MBP: variants seen among roughly 807,000 people sequenced by gnomAD.
The protein encoded by MBP is Golli-MBP.
A neutral mutation model predicts 35.8 loss-of-function variants in MBP; 16 were observed. That is an observed-to-expected ratio of 0.45 (90% confidence interval 0.30 to 0.68). The LOEUF (loss-of-function observed/expected upper bound fraction) is 0.68, where lower values mean the gene tolerates loss of function less well. Ranked by LOEUF, MBP falls within the 30% of genes least tolerant of loss-of-function variation. The pLI is 0.08. For missense variants in MBP, 380 were observed against 404.7 expected, an observed-to-expected ratio of 0.94 and a Z score of 0.52; for synonymous variants, 143 against 159.6, an observed-to-expected ratio of 0.90 and a Z score of 0.78.
intron 7 of MBP, 177 bp from the exon 8 acceptor site, chr18:76,985,071 C>T: frequency 6.7e-7 from 1 of 1,499,326 alleles, no homozygotes; most frequent in East Asian, 2.4e-5. Context: ...GGAGAGGCTG[C>T]TCCCCCAGGT....
At chr18:77,012,983 CTAAT>C (rs1971433759) in intron 4 of MBP, 1 of 985,306 alleles carries the variant, frequency 1.0e-6, no homozygotes, top group Admixed American at 6.1e-5. Flanking sequence ...CACATCCAGT[CTAAT>C]TAACTATCGT....
intron 8 of MBP, chr18:76,980,897 C>T (rs560608329): frequency 5.4e-6 from 1 of 183,882 alleles, no homozygotes; most frequent in East Asian, 1.6e-4. Context: ...CCCTAGCACA[C>T]CCCTTGCTAC....
At position 77,004,379 on chromosome 18, in the gene MBP, G is replaced by A. The variant is rs1203852266; in HGVS notation, c.576+12453C>T. 4.6e-5 allele frequency: 7 copies of A among 152,068 alleles called. No individual in the cohort carries two copies. In the East Asian group the frequency reaches 1.3e-3, roughly 29 times the overall value. The allele number at this position is 152,068 out of a possible 1,614,324, so 9.4% of individuals were successfully genotyped here. A position where few individuals can be genotyped will look rare whatever the true frequency, so the allele number is the denominator to read the frequency against. ...ATGTTAGATTTTTTTTTAAAAGCAAGATCAGGGCATTTTAGATTTTGCAGT... is the reference window on the plus strand; with the variant it reads ...ATGTTAGATTTTTTTTTAAAAGCAAAATCAGGGCATTTTAGATTTTGCAGT... On this transcript the variant is annotated intron_variant, in intron 4 of 8. Coordinates refer to ENST00000355994, the MANE Select transcript of MBP (RefSeq NM_001025101.2).
chr18:77,055,631 G>C (rs1973690402), intron 3 of MBP, among the ~76,000 whole-genome samples: 1 of 139,480 alleles, frequency 7.2e-6, no homozygotes, highest in Non-Finnish European at 1.5e-5. Context: ...CCTAGTAATT[G>C]CTTTTCACAT....
rs531289582 is a variant in MBP at position 77,101,936 on chromosome 18, T to G, written c.51+3275A>C. ...GAAATAGGTATGATTCATTTACTCTTTCGAACATCTGTAAGCCAGTTATGT... is the reference window on the plus strand; with the variant it reads ...GAAATAGGTATGATTCATTTACTCTGTCGAACATCTGTAAGCCAGTTATGT... On this transcript the variant is annotated intron_variant, in intron 2 of 8. Transcript: ENST00000355994. The surrounding 1 kb of genome is among the most constrained non-coding windows in gnomAD (Gnocchi z 4.3). 6.6e-6 allele frequency among the ~76,000 whole-genome samples: 1 copy of G among 152,330 alleles called. No individual in the cohort carries two copies. The highest frequency in any genetic ancestry group is 2.1e-4 in the South Asian group (1 of 4,830).
rs190929752 is a variant in MBP at position 77,011,378 on chromosome 18, G to A, written c.576+5454C>T. Among the ~76,000 whole-genome samples the A allele has an allele frequency of 1.7e-3, 262 of 152,278 alleles. 1 individual carries two copies. Among genetic ancestry groups the A allele is most frequent in the African/African-American group, 6.0e-3 (251 of 41,552 alleles). Reference sequence around the variant, plus strand: ...TACGCTATGTACAGGGCCAACAAGCGAAGAACTTTCCATTAATTTTCCCTC... The same window carrying A: ...TACGCTATGTACAGGGCCAACAAGCAAAGAACTTTCCATTAATTTTCCCTC... On this transcript the variant is annotated intron_variant, in intron 4 of 8. Coordinates refer to ENST00000355994, the MANE Select transcript of MBP (RefSeq NM_001025101.2).
intron 1 of MBP, among the ~76,000 whole-genome samples, chr18:77,112,108 C>T (rs530749802): frequency 6.6e-6 from 1 of 151,836 alleles, no homozygotes; most frequent in Non-Finnish European, 1.5e-5. Flanking sequence ...ACTCTGTGTT[C>T]GGAGCATAGT....
chr18:77,011,900 G>C (rs1971376298), intron 4 of MBP, among the ~76,000 whole-genome samples: 1 of 152,214 alleles, frequency 6.6e-6, no homozygotes, highest in Non-Finnish European at 1.5e-5. Flanking sequence ...ATTTTCACGA[G>C]TGCTATTGTG....
chr18:76,998,845 C>A (rs992547886), intron 4 of MBP, among the ~76,000 whole-genome samples: 1 of 152,122 alleles, frequency 6.6e-6, no homozygotes, highest in Non-Finnish European at 1.5e-5. Flanking sequence ...GACCCCACAG[C>A]CCCTTGCTCA....
chr18:77,056,397 G>A (rs8090463), intron 3 of MBP, among the ~76,000 whole-genome samples: 78,552 of 152,042 alleles, frequency 0.52, 21,496 homozygotes, highest in African/African-American at 0.7. Context: ...CCGTCCCTTT[G>A]AGACATCGGC....
intron 3 of MBP, among the ~76,000 whole-genome samples, chr18:77,030,597 C>T (rs1255155028): frequency 3.3e-5 from 5 of 152,142 alleles, no homozygotes; most frequent in Admixed American, 3.3e-4. Context: ...TCTAAATACA[C>T]CAAAATGTGT....
At chr18:77,049,646 T>C (rs564954072) in intron 3 of MBP, among the ~76,000 whole-genome samples, 31 of 152,314 alleles carry the variant, frequency 2.0e-4, no homozygotes, top group Non-Finnish European at 3.8e-4. Context: ...TTACTCATCA[T>C]TGGATATGGA....
rs145604835 is a variant in MBP, at chr18:77,066,253, G to T, written c.139+45C>A. ...TCCCCGAGTGAGAGTGCAGGTGCAC[G>T]CTGTCACCATGTGGCGCCATGTTGC... On this transcript the variant is annotated intron_variant, in intron 3 of 8. Transcript: ENST00000355994. The T allele has an allele frequency of 1.0e-3, 1,454 of 1,418,624 alleles. 17 individuals are homozygous for T. In the African/African-American group the frequency reaches 0.017, roughly 16 times the overall value. 87.9% of individuals were successfully genotyped at this position (1,418,624 alleles called of 1,614,324 possible).
At chr18:76,999,370 G>A (rs595997) in intron 4 of MBP, among the ~76,000 whole-genome samples, 108,422 of 152,036 alleles carry the variant, frequency 0.71, 40,240 homozygotes, top group Non-Finnish European at 0.82. Flanking sequence ...CCCCAGGAAC[G>A]CTTGTGACGT....
intron 1 of MBP, among the ~76,000 whole-genome samples, 167 bp downstream of exon 1, chr18:77,132,413 A>G (rs1253951559): frequency 1.3e-5 from 2 of 152,100 alleles, no homozygotes. Context: ...CAGCCAAGAA[A>G]GGGACCCGGA....
chr18:77,042,647 AG>A (rs1008254476), intron 3 of MBP, among the ~76,000 whole-genome samples: 1 of 152,178 alleles, frequency 6.6e-6, no homozygotes, highest in African/African-American at 2.4e-5. Context: ...ACAGTTGCAG[AG>A]CTGTACGCAG....
intron 4 of MBP, chr18:77,010,028 GC>G: frequency 1.2e-6 from 1 of 821,832 alleles, no homozygotes; most frequent in Non-Finnish European, 2.0e-6. Context: ...CTTGGCAAGA[GC>G]CCAGAGTGAG....
At chr18:77,038,250 T>C (rs1972854276) in intron 3 of MBP, among the ~76,000 whole-genome samples, 1 of 152,226 alleles carries the variant, frequency 6.6e-6, no homozygotes, top group Non-Finnish European at 1.5e-5. Flanking sequence ...AAGAAACATG[T>C]TGGCAAATAA....
Position 76,979,979 on chromosome 18 carries a change from G to C in MBP, c.*448C>G. On this transcript the variant is annotated 3_prime_UTR_variant, in exon 9 of 9. Coordinates refer to ENST00000355994, the MANE Select transcript of MBP (RefSeq NM_001025101.2). The stretch of plus-strand genomic sequence containing the variant: ...AGGACAGGAAAAAAAAACAAAGGAA[G>C]CTTGGATGTCAACAGTCCTCTCTGC... 1.4e-6 allele frequency: 1 copy of C among 702,602 alleles called. No individual in the cohort carries two copies. Among genetic ancestry groups the C allele is most frequent in the South Asian group, 1.5e-5 (1 of 67,608 alleles). 43.5% of individuals were successfully genotyped at this position (702,602 alleles called of 1,614,324 possible). A position where few individuals can be genotyped will look rare whatever the true frequency, so the allele number is the denominator to read the frequency against.
Sources: allele counts gnomAD v4.1 joint callset (sites outside exome capture counted in the v4.1 genomes callset), GRCh38; gene constraint gnomAD v4.1.1; non-coding constraint Gnocchi (gnomAD v3.1); transcripts MANE v1.5; gene names NCBI Gene and HGNC (gene_info 2026-07-23, HGNC 2026-07-21).